SMYD1: variants seen among roughly 807,000 people sequenced by gnomAD.
The protein encoded by SMYD1 is histone-lysine N-methyltransferase SMYD1.
In SMYD1, 49 loss-of-function variants were observed where a neutral mutation model predicts 54.0. That is an observed-to-expected ratio of 0.91 (90% CI 0.72 to 1.15). SMYD1 has a LOEUF of 1.15. Among genes scored for constraint, SMYD1 ranks in the 50% most tolerant of loss-of-function variants. The pLI is 0.00. For missense variants in SMYD1, 653 were observed against 639.6 expected (o/e 1.02, Z -0.23); for synonymous variants, 269 against 234.2 (o/e 1.15, Z -1.36).
In SMYD1 at chr2:88,110,601, G is replaced by A; in HGVS notation, c.*89G>A. On this transcript the variant is annotated 3_prime_UTR_variant, in exon 10 of 10. Coordinates refer to ENST00000419482, the MANE Select transcript of SMYD1 (RefSeq NM_198274.4). ...GGTCTCTCGGGAGACCCCTAATGAG[G>A]AAGTTGAGGTAATGCTTAACATTGT... 10 of 1,388,756 alleles carry A rather than the reference G, an allele frequency of 7.2e-6. No homozygotes were observed. The highest frequency in any genetic ancestry group is 8.6e-6 in the Non-Finnish European group (9 of 1,051,278). 86.0% of individuals were successfully genotyped at this position (1,388,756 alleles called of 1,614,324 possible).
In SMYD1 at chr2:88,097,616, A is replaced by G. The variant is rs116663053; in HGVS notation, c.888+832A>G. Among the ~76,000 whole-genome samples, 506 of 152,256 alleles carry G rather than the reference A, an allele frequency of 3.3e-3. 6 individuals carry two copies. Among genetic ancestry groups the G allele is most frequent in the African/African-American group, 0.012 (485 of 41,542 alleles). ...TCTCTTTTATAAGGACGCTAGTCCT[A>G]TTGGGTTAGGAGCCCACTCTACTCC... is the stretch of plus-strand genomic sequence containing the variant. On this transcript the variant is annotated intron_variant, in intron 6 of 9. Coordinates refer to ENST00000419482, the MANE Select transcript of SMYD1 (RefSeq NM_198274.4).
At chr2:88,073,502 G>T (rs1349996894) in intron 1 of SMYD1, among the ~76,000 whole-genome samples, 1 of 152,152 alleles carries the variant, frequency 6.6e-6, no homozygotes, top group African/African-American at 2.4e-5. Context: ...TTCTACAAGG[G>T]CTGAACTAAT....
intron 9 of SMYD1, among the ~76,000 whole-genome samples, chr2:88,109,843 C>T (rs1477531374): frequency 1.3e-5 from 2 of 152,182 alleles, no homozygotes; most frequent in Non-Finnish European, 2.9e-5. Context: ...CAATTTTACT[C>T]ACAGCTGTAT....
chr2:88,071,425 G>A (rs149602179), intron 1 of SMYD1, among the ~76,000 whole-genome samples: 1 of 152,306 alleles, frequency 6.6e-6, no homozygotes, highest in East Asian at 1.9e-4. Context: ...AGTCTGGTTA[G>A]GATCTCTTCA....
At chr2:88,108,037 C>T (rs754990782) in intron 8 of SMYD1, among the ~76,000 whole-genome samples, 42 of 152,232 alleles carry the variant, frequency 2.8e-4, no homozygotes, top group African/African-American at 8.4e-4. Context: ...GCGTCGCTGA[C>T]GCTGGGAGCT....
rs778389108 is a variant in SMYD1 at position 88,084,461 on chromosome 2, A to T, written c.283A>T (p.Arg95Ter). The T allele has an allele frequency of 6.3e-7, 1 of 1,597,592 alleles. No individual in the cohort carries two copies. The highest frequency in any genetic ancestry group is 8.6e-7 in the Non-Finnish European group (1 of 1,166,626). ...NHKNECSAIKRYGKVPNENIR... is the reference protein window; with the variant it reads ...NHKNECSAIK ...CAAGAATGAATGTTCGGCCATCAAGAGATATGGGAAGGTGCCCAATGAGAA... is the reference window on the plus strand; with the variant it reads ...CAAGAATGAATGTTCGGCCATCAAGTGATATGGGAAGGTGCCCAATGAGAA... Residue 95 changes from arginine (R) to a stop codon, truncating the protein, a stop_gained, in exon 2 of 10, where the codon AGA becomes TGA. Transcript: ENST00000419482. LOFTEE classifies it high-confidence loss of function.
chr2:88,082,265 T>C (rs919530927), intron 1 of SMYD1, among the ~76,000 whole-genome samples: 2 of 152,208 alleles, frequency 1.3e-5, no homozygotes, highest in African/African-American at 4.8e-5. Flanking sequence ...AAGCTGTTAC[T>C]ATGAGGATAA....
chr2:88,100,238 A>C (rs1313651360), intron 6 of SMYD1, among the ~76,000 whole-genome samples: 2 of 152,112 alleles, frequency 1.3e-5, no homozygotes, highest in Non-Finnish European at 2.9e-5. Flanking sequence ...CACATGTTGC[A>C]CTTATTAATT....
chr2:88,095,829 T>C (rs1240977077), intron 5 of SMYD1, among the ~76,000 whole-genome samples: 1 of 152,172 alleles, frequency 6.6e-6, no homozygotes, highest in Non-Finnish European at 1.5e-5. Context: ...AGTTCTGCAG[T>C]GGGTTTTTAC....
At chr2:88,094,275 C>T (rs1165889194) in intron 5 of SMYD1, among the ~76,000 whole-genome samples, 3 of 152,242 alleles carry the variant, frequency 2.0e-5, no homozygotes, top group African/African-American at 7.2e-5. Context: ...TTGGGTTCCA[C>T]ATCTGTAGAG....
At chr2:88,109,416 G>A (rs143904534) in intron 9 of SMYD1, among the ~76,000 whole-genome samples, 204 of 152,284 alleles carry the variant, frequency 1.3e-3, no homozygotes, top group African/African-American at 4.7e-3. Flanking sequence ...AATATTGAAT[G>A]TATGGCTGTC....
Position 88,067,880 on chromosome 2 carries a change from ATG to A in SMYD1, c.17_18del (p.Met6ArgfsTer9). The A allele has an allele frequency of 6.2e-6, 10 of 1,614,052 alleles. No individual in the cohort carries two copies. Among genetic ancestry groups the A allele is most frequent in the Non-Finnish European group, 8.5e-6 (10 of 1,180,010 alleles). ...AGTCTCTGAGATGACAATAGGGAGA[ATG>A]GAGAACGTGGAGGTCTTCACCGCTG... MTIGRMENVEVFTAEG... is the reference protein window; with the variant it reads MTIGRXENVEVFTAEG... On this transcript the variant is annotated frameshift_variant, in exon 1 of 10. Coordinates refer to ENST00000419482, the MANE Select transcript of SMYD1 (RefSeq NM_198274.4). LOFTEE classifies it high-confidence loss of function.
intron 1 of SMYD1, among the ~76,000 whole-genome samples, chr2:88,077,011 C>CAAAAAAAA (rs112988082): frequency 8.5e-6 from 1 of 117,210 alleles, no homozygotes; most frequent in Non-Finnish European, 1.8e-5. Flanking sequence ...GACCCTGTCT[C>CAAAAAAAA]AAAAAAAAAA....
chr2:88,094,561 C>T (rs1674534360), intron 5 of SMYD1, among the ~76,000 whole-genome samples: 1 of 152,136 alleles, frequency 6.6e-6, no homozygotes, highest in African/African-American at 2.4e-5. Flanking sequence ...GTCTCCATTC[C>T]CCTCCCCCAA....
chr2:88,096,667 C>A lies in SMYD1; in HGVS notation c.771C>A (p.Asn257Lys), dbSNP rs372144239. The A allele has an allele frequency of 2.5e-6, 4 of 1,614,032 alleles. No individual in the cohort carries two copies. The South Asian group carries it at 4.4e-5, about 18-fold the overall frequency. The change falls in exon 6 of 10, where the codon AAC (asparagine) becomes AAA (lysine). Residue 257 changes from asparagine to lysine, a missense_variant. Physicochemically the swap from Asn to Lys is moderately conservative, Grantham distance 94 (BLOSUM62 0). Transcript: ENST00000419482. ...CTGTGTCCTATATTGACTTCCTCAA[C>A]GTTAGTGAAGAACGCAAGAGGCAGC... ...ELTVSYIDFL[N>K]VSEERKRQLK...
chr2:88,111,992 G>A lies in SMYD1; in HGVS notation c.*1480G>A, dbSNP rs1671130878. 2 of 696,580 alleles carry A rather than the reference G, an allele frequency of 2.9e-6. No individual in the cohort carries two copies. The highest frequency in any genetic ancestry group is 5.3e-6 in the Non-Finnish European group (2 of 380,634). The allele number at this position is 696,580 out of a possible 1,614,324, so 43.1% of individuals were successfully genotyped here. ...TCCTCACCACATGATGACCTGCTGT[G>A]TCCCTCTGAGCACTACCCAGTGGCT... On this transcript the variant is annotated 3_prime_UTR_variant, in exon 10 of 10. Transcript: ENST00000419482.
In SMYD1 at chr2:88,110,336, T is replaced by C; in HGVS notation, c.1315-18T>C. The C allele has an allele frequency of 1.2e-6, 2 of 1,604,998 alleles. No individual in the cohort carries two copies. Among genetic ancestry groups the C allele is most frequent in the Non-Finnish European group, 1.7e-6 (2 of 1,175,306 alleles). On this transcript the variant is annotated intron_variant, in intron 9 of 9. Transcript: ENST00000419482. ...AGGGGCTTGCTATCACTGTTTACGGTGTATCTGTGTCCCACAGGCCATGCG... is the reference window on the plus strand; with the variant it reads ...AGGGGCTTGCTATCACTGTTTACGGCGTATCTGTGTCCCACAGGCCATGCG...
Position 88,100,971 on chromosome 2 carries a change from T to C in SMYD1, c.889-2087T>C, listed in dbSNP as rs1674707398. ...ATGGAAACAAGGATAGCCAAAATTA[T>C]AGGGATAGCCAAGAGCTACACAAAA... On this transcript the variant is annotated intron_variant, in intron 6 of 9. Transcript: ENST00000419482. 5.9e-5 allele frequency among the ~76,000 whole-genome samples: 9 copies of C among 152,218 alleles called. 1 individual carries two copies. The South Asian group carries it at 1.9e-3, about 32-fold the overall frequency.
chr2:88,112,430 T>G lies in SMYD1; in HGVS notation c.*1918T>G. 2.4e-6 allele frequency: 1 copy of G among 411,386 alleles called. No individual in the cohort carries two copies. The highest frequency in any genetic ancestry group is 4.4e-6 in the Non-Finnish European group (1 of 225,710). The allele number at this position is 411,386 out of a possible 1,614,324, so 25.5% of individuals were successfully genotyped here. ...CCCTTTGGAATGTACTCTGGATCCC[T>G]TCCCCTGCTTTGACCCCCAGACTTT... On this transcript the variant is annotated 3_prime_UTR_variant, in exon 10 of 10. Coordinates refer to ENST00000419482, the MANE Select transcript of SMYD1 (RefSeq NM_198274.4).
Sources: gnomAD v4.1 joint callset for allele counts (sites outside exome capture counted in the v4.1 genomes callset) on GRCh38, gnomAD v4.1.1 for gene constraint, MANE v1.5 for transcripts, NCBI Gene and HGNC (gene_info 2026-07-23, HGNC 2026-07-21) for gene names.